Variants in HS3ST5 observed in about 807,000 individuals in gnomAD.
HS3ST5 encodes the protein heparan sulfate glucosamine 3-O-sulfotransferase 5.
A neutral mutation model predicts 25.4 loss-of-function variants in HS3ST5; 10 were observed. The ratio of observed to expected loss-of-function variants is 0.39; its 90% CI spans 0.24 to 0.67. The LOEUF is 0.67. Ranked by LOEUF, HS3ST5 falls within the 30% of genes least tolerant of loss-of-function variation. The pLI, the probability that HS3ST5 is intolerant of heterozygous loss-of-function variation, is 0.44. For missense variants in HS3ST5, 324 were observed against 420.7 expected (o/e 0.77, Z 2.01); for synonymous variants, 170 against 162.4 (o/e 1.05, Z -0.36).
chr6:114,330,837 T>C (rs1237984401), intron 1 of HS3ST5, among the ~76,000 whole-genome samples: 1 of 152,268 alleles, frequency 6.6e-6, no homozygotes, highest in African/African-American at 2.4e-5. Context: ...AGCCTTGTGT[T>C]GGGTAAAAAA....
intron 3 of HS3ST5, among the ~76,000 whole-genome samples, chr6:114,160,391 A>T (rs960654881): frequency 1.3e-5 from 2 of 152,150 alleles, no homozygotes; most frequent in Admixed American, 6.6e-5. Context: ...ATGACATATG[A>T]AGCCAGTCAT....
At chr6:114,241,132 G>A (rs1204732314) in intron 1 of HS3ST5, among the ~76,000 whole-genome samples, 1 of 117,816 alleles carries the variant, frequency 8.5e-6, no homozygotes, top group Non-Finnish European at 1.7e-5. Context: ...AGAAAAATCA[G>A]TTTTTTTTTT....
intron 3 of HS3ST5, among the ~76,000 whole-genome samples, chr6:114,087,888 C>T (rs1045464778): frequency 5.9e-5 from 9 of 152,160 alleles, no homozygotes; most frequent in African/African-American, 2.2e-4. Context: ...TACTAAACAA[C>T]TCTCCCTCTA....
At chr6:114,111,156 A>G (rs994226376) in intron 3 of HS3ST5, among the ~76,000 whole-genome samples, 1 of 152,226 alleles carries the variant, frequency 6.6e-6, no homozygotes, top group Non-Finnish European at 1.5e-5. Context: ...ATGTTATTTT[A>G]ATAATCTGAC....
chr6:114,057,638 G>A lies in HS3ST5; in HGVS notation c.660C>T (p.Cys220=), dbSNP rs61730700. The part of the protein sequence containing the change: ...FEKLAIDPNT[C]EVNTKYKAVR... ...CTGCTTTGTATTTTGTGTTCACTTC[G>A]CATGTATTAGGGTCTATGGCCAGCT... is the stretch of plus-strand genomic sequence containing the variant. Residue 220 remains cysteine, a synonymous_variant, in exon 5 of 5, where the codon TGC becomes TGT. Transcript: ENST00000312719. 2,991 of 1,614,026 alleles carry A rather than the reference G, an allele frequency of 1.9e-3. 34 individuals are homozygous for A. In the African/African-American group the frequency reaches 0.021, roughly 12 times the overall value.
intron 1 of HS3ST5, among the ~76,000 whole-genome samples, chr6:114,334,186 C>T (rs945756029): frequency 1.3e-5 from 2 of 152,210 alleles, no homozygotes; most frequent in African/African-American, 4.8e-5. Flanking sequence ...GTGAGCAAGA[C>T]AACAGTCCTT....
At chr6:114,257,929 T>A (rs538601000) in intron 1 of HS3ST5, among the ~76,000 whole-genome samples, 5 of 152,070 alleles carry the variant, frequency 3.3e-5, no homozygotes, top group South Asian at 2.1e-4. Context: ...ATAGATAGAT[T>A]GATTGATTGT....
intron 1 of HS3ST5, among the ~76,000 whole-genome samples, chr6:114,338,122 T>G (rs1031917326): frequency 1.3e-5 from 2 of 152,070 alleles, no homozygotes; most frequent in African/African-American, 4.8e-5. Context: ...ACTCCATATT[T>G]TCAATATCAA....
At chr6:114,185,441 C>G (rs1247199339) in intron 2 of HS3ST5, among the ~76,000 whole-genome samples, 1 of 152,192 alleles carries the variant, frequency 6.6e-6, no homozygotes, top group East Asian at 1.9e-4. Context: ...GCACCCTGAT[C>G]TTGGACTTTC....
At chr6:114,088,538 A>T (rs7764690) in intron 3 of HS3ST5, among the ~76,000 whole-genome samples, 21,490 of 151,922 alleles carry the variant, frequency 0.14, 1,558 homozygotes, top group Middle Eastern at 0.21. Flanking sequence ...ATGTGTATTT[A>T]TTGTATATTT....
chr6:114,106,255 G>C (rs1365413723), intron 3 of HS3ST5, among the ~76,000 whole-genome samples: 3 of 152,038 alleles, frequency 2.0e-5, no homozygotes, highest in Non-Finnish European at 4.4e-5. Flanking sequence ...ACTAATCTAA[G>C]AGTAGCCATC....
intron 2 of HS3ST5, among the ~76,000 whole-genome samples, chr6:114,181,879 TG>T (rs1779987723): frequency 7.9e-6 from 1 of 127,302 alleles, no homozygotes; most frequent in Non-Finnish European, 1.8e-5. Flanking sequence ...TGTGTGTATG[TG>T]AGTATGTGTG....
At chr6:114,301,090 T>G (rs891672794) in intron 1 of HS3ST5, among the ~76,000 whole-genome samples, 3 of 152,100 alleles carry the variant, frequency 2.0e-5, no homozygotes, top group Non-Finnish European at 4.4e-5. Context: ...TTCCAGAGAT[T>G]GTGGTAATGG....
intron 1 of HS3ST5, among the ~76,000 whole-genome samples, chr6:114,264,335 A>C (rs1323702257): frequency 6.6e-6 from 1 of 152,208 alleles, no homozygotes; most frequent in Non-Finnish European, 1.5e-5. Flanking sequence ...TGAAAGTCGT[A>C]ACATTGTGGA....
chr6:114,295,294 G>T (rs1774767554), intron 1 of HS3ST5, among the ~76,000 whole-genome samples: 1 of 152,136 alleles, frequency 6.6e-6, no homozygotes, highest in Non-Finnish European at 1.5e-5. Context: ...TTTTGTCTAT[G>T]AAGTAATAAT....
chr6:114,105,814 C>T (rs948672057), intron 3 of HS3ST5, among the ~76,000 whole-genome samples: 8 of 152,136 alleles, frequency 5.3e-5, no homozygotes, highest in Non-Finnish European at 1.2e-4. Flanking sequence ...TCTTGTTATA[C>T]AATGATTAAA....
At chr6:114,175,223 T>C (rs185653639) in intron 2 of HS3ST5, among the ~76,000 whole-genome samples, 93 of 152,206 alleles carry the variant, frequency 6.1e-4, no homozygotes, top group Non-Finnish European at 7.2e-4. Context: ...TTAAAGGGGA[T>C]GTTGTGACTG....
At chr6:114,259,625 T>A (rs1360908080) in intron 1 of HS3ST5, among the ~76,000 whole-genome samples, 1 of 152,248 alleles carries the variant, frequency 6.6e-6, no homozygotes, top group Non-Finnish European at 1.5e-5. Flanking sequence ...CTTTGGTGGT[T>A]ATGCTGTTAA....
At chr6:114,241,666 G>A (rs1772133856) in intron 1 of HS3ST5, among the ~76,000 whole-genome samples, 1 of 152,142 alleles carries the variant, frequency 6.6e-6, no homozygotes, top group Admixed American at 6.5e-5. Flanking sequence ...GCATAGTGAT[G>A]ACTTTTTATA....
Sources: allele counts gnomAD v4.1 joint callset (sites outside exome capture counted in the v4.1 genomes callset), GRCh38; gene constraint gnomAD v4.1.1; transcripts MANE v1.5; gene names NCBI Gene and HGNC (gene_info 2026-07-23, HGNC 2026-07-21).